Variants in ZNF704 observed in about 807,000 individuals in gnomAD.
ZNF704 encodes glucocorticoid induced gene 1.
In ZNF704, 10 loss-of-function variants were observed where a neutral mutation model predicts 44.7. That is an observed-to-expected ratio of 0.22 (90% CI 0.14 to 0.38). ZNF704 has a LOEUF of 0.38. ZNF704 is among the 10% of genes least tolerant of loss of function. The probability of loss-of-function intolerance (pLI) is 1.00; values close to 1 mark genes in which losing one functional copy is unlikely to be tolerated. For missense variants in ZNF704, 390 were observed against 545.5 expected (o/e 0.71, Z 2.84); for synonymous variants, 211 against 207.6 (o/e 1.02, Z -0.14).
At chr8:80,853,709 A>G (rs537836510) in intron 1 of ZNF704, among the ~76,000 whole-genome samples, 5 of 152,212 alleles carry the variant, frequency 3.3e-5, no homozygotes, top group Non-Finnish European at 7.3e-5. Context: ...GTATAATGAC[A>G]TGCTTGTTCT....
At chr8:80,848,307 T>A (rs1228577970) in intron 1 of ZNF704, among the ~76,000 whole-genome samples, 1 of 152,174 alleles carries the variant, frequency 6.6e-6, no homozygotes, top group Non-Finnish European at 1.5e-5. Flanking sequence ...AAAAGTTCTG[T>A]GTCTACAATG....
chr8:80,739,173 C>T (rs1056302400), intron 2 of ZNF704, among the ~76,000 whole-genome samples: 11 of 152,294 alleles, frequency 7.2e-5, no homozygotes, highest in Admixed American at 5.9e-4. Context: ...ATTTCTGGGT[C>T]ATACATAATA....
At position 80,639,723 on chromosome 8, in the gene ZNF704, A is replaced by C. The variant is rs886232616; in HGVS notation, c.*1643T>G. On this transcript the variant is annotated 3_prime_UTR_variant, in exon 9 of 9. Coordinates refer to ENST00000327835, the MANE Select transcript of ZNF704 (RefSeq NM_001033723.3). ...ATACTTTCTTTTGCTTGTATATAAA[A>C]AGAATATCTGTCATTACTAGATGTC... 1 of 152,644 alleles carries C rather than the reference A, an allele frequency of 6.6e-6. No homozygotes were observed. Among genetic ancestry groups the C allele is most frequent in the Non-Finnish European group, 1.5e-5 (1 of 68,040 alleles). 9.5% of individuals were successfully genotyped at this position (152,644 alleles called of 1,614,324 possible).
Position 80,682,645 on chromosome 8 carries a change from G to A in ZNF704, c.558+4581C>T, listed in dbSNP as rs150461929. ...CATTGGCACGGTCAGTGTGGGTCAG[G>A]GTGGAGGGTGGAGGCAAGCACCCCC... On this transcript the variant is annotated intron_variant, in intron 4 of 8. Transcript: ENST00000327835. Among the ~76,000 whole-genome samples, 535 of 152,334 alleles carry A rather than the reference G, an allele frequency of 3.5e-3. 1 individual carries two copies. The highest frequency in any genetic ancestry group is 6.1e-3 in the Non-Finnish European group (415 of 68,038).
intron 2 of ZNF704, among the ~76,000 whole-genome samples, chr8:80,718,155 C>T (rs1187489399): frequency 1.3e-5 from 2 of 151,914 alleles, no homozygotes. Flanking sequence ...TTATGATTTT[C>T]TTTGTGGTAC....
At chr8:80,819,550 GA>G (rs61039141) in intron 2 of ZNF704, among the ~76,000 whole-genome samples, 5,438 of 121,824 alleles carry the variant, frequency 0.045, 311 homozygotes, top group African/African-American at 0.15. Flanking sequence ...ACAGACTTAG[GA>G]AAAAAAAAAA....
chr8:80,830,753 CT>C (rs772059759), intron 1 of ZNF704, among the ~76,000 whole-genome samples: 483 of 89,120 alleles, frequency 5.4e-3, no homozygotes, highest in East Asian at 0.028. Flanking sequence ...GTGTTTCTTT[CT>C]TTTTTTTTTT....
chr8:80,750,780 G>A (rs769465574), intron 2 of ZNF704, among the ~76,000 whole-genome samples: 4 of 152,182 alleles, frequency 2.6e-5, no homozygotes, highest in Admixed American at 6.5e-5. Context: ...CTCCCAAAGT[G>A]CTGGGATTAC....
At chr8:80,869,782 A>G (rs1809218938) in intron 1 of ZNF704, among the ~76,000 whole-genome samples, 2 of 152,152 alleles carry the variant, frequency 1.3e-5, no homozygotes, top group African/African-American at 4.8e-5. Context: ...ATTCCTCCTG[A>G]CTACATTGCA....
At chr8:80,882,371 T>G in the ZNF704 span, among the ~76,000 whole-genome samples, 1 of 152,270 alleles carries the variant, frequency 6.6e-6, no homozygotes. Flanking sequence ...TGATCATTAA[T>G]GAAGAAAAAT....
intron 2 of ZNF704, among the ~76,000 whole-genome samples, chr8:80,811,764 T>C (rs746062399): frequency 2.6e-5 from 4 of 152,230 alleles, no homozygotes; most frequent in Admixed American, 6.5e-5. Context: ...TAATGCTTTA[T>C]AGCAGGGGTC....
intron 1 of ZNF704, among the ~76,000 whole-genome samples, chr8:80,835,536 C>CA (rs1481958637): frequency 6.6e-6 from 1 of 152,144 alleles, no homozygotes; most frequent in Non-Finnish European, 1.5e-5. Context: ...GGGGACGAGT[C>CA]AGTTACATAT....
At chr8:80,785,964 A>C (rs58462549) in intron 2 of ZNF704, among the ~76,000 whole-genome samples, 12,995 of 152,222 alleles carry the variant, frequency 0.085, 632 homozygotes, top group African/African-American at 0.12. Context: ...AAATATGTAT[A>C]AACATGGCAT....
At chr8:80,809,733 A>C (rs1808053147) in intron 2 of ZNF704, among the ~76,000 whole-genome samples, 1 of 152,254 alleles carries the variant, frequency 6.6e-6, no homozygotes, top group Non-Finnish European at 1.5e-5. Flanking sequence ...CTAAGTCTAC[A>C]TACCATTCTT....
At chr8:80,672,599 T>C (rs1818299503) in intron 4 of ZNF704, among the ~76,000 whole-genome samples, 1 of 152,232 alleles carries the variant, frequency 6.6e-6, no homozygotes, top group Middle Eastern at 3.2e-3. Context: ...AATGAAATTA[T>C]GTCCCTTGCA....
chr8:80,736,828 C>T (rs1806675151), intron 2 of ZNF704, among the ~76,000 whole-genome samples: 1 of 152,022 alleles, frequency 6.6e-6, no homozygotes, highest in African/African-American at 2.4e-5. Context: ...ACCACCTGTT[C>T]CCCCAAAACC....
chr8:80,691,859 C>T (rs1003954194), intron 3 of ZNF704, among the ~76,000 whole-genome samples: 3 of 152,140 alleles, frequency 2.0e-5, no homozygotes, highest in Non-Finnish European at 4.4e-5. Flanking sequence ...TGTCACCTGC[C>T]CCAGTGAATG....
In ZNF704 at chr8:80,635,129, TA is replaced by T. The variant is rs1304199390; in HGVS notation, c.*6236del. On this transcript the variant is annotated 3_prime_UTR_variant, in exon 9 of 9. Coordinates refer to ENST00000327835, the MANE Select transcript of ZNF704 (RefSeq NM_001033723.3). ...TTTTGATGTTATCTGCATACTTGGC[TA>T]ATTAGGCTAGCTTTTGGATTACTAA... 1 of 152,256 alleles carries T rather than the reference TA, an allele frequency of 6.6e-6. No homozygotes were observed. Among genetic ancestry groups the T allele is most frequent in the Non-Finnish European group, 1.5e-5 (1 of 68,044 alleles). The allele number at this position is 152,256 out of a possible 1,614,324, so 9.4% of individuals were successfully genotyped here.
intron 4 of ZNF704, 61 bp from the exon 5 acceptor site, chr8:80,670,664 G>C (rs1818264179): frequency 8.3e-7 from 1 of 1,209,614 alleles, no homozygotes; most frequent in Admixed American, 1.7e-5. Flanking sequence ...TTTTCTTTAT[G>C]TCATCCCAAC....
Sources: gnomAD v4.1 joint callset for allele counts (sites outside exome capture counted in the v4.1 genomes callset) on GRCh38, gnomAD v4.1.1 for gene constraint, MANE v1.5 for transcripts, NCBI Gene and HGNC (gene_info 2026-07-23, HGNC 2026-07-21) for gene names.